The following GBP1 variants were observed in gnomAD, a reference collection of about 807,000 sequenced individuals.
The protein encoded by GBP1 is guanylate binding protein 1.
Under a neutral mutation model 69.5 loss-of-function variants are expected in GBP1, and 64 were observed. That is an observed-to-expected ratio of 0.92 (90% confidence interval 0.75 to 1.13). The LOEUF (loss-of-function observed/expected upper bound fraction) is 1.13, where lower values mean the gene tolerates loss of function less well. Ranked by LOEUF, GBP1 falls within the 50% of genes most tolerant of loss-of-function variation. The pLI is 0.00. For missense variants in GBP1, 630 were observed against 704.1 expected, an observed-to-expected ratio of 0.89 and a Z score of 1.19; for synonymous variants, 250 against 261.2, an observed-to-expected ratio of 0.96 and a Z score of 0.41.
At chr1:89,055,301 C>T in intron 8 of GBP1, 86 bp from the exon 9 acceptor site, 2 of 1,582,848 alleles carry the variant, frequency 1.3e-6, no homozygotes, top group South Asian at 1.2e-5. Context: ...CCTTTCTCCT[C>T]TGGGAATTCT....
At position 89,053,237 on chromosome 1, in the gene GBP1, T is replaced by C; in HGVS notation, c.*118A>G. The C allele has an allele frequency of 1.5e-6, 1 of 674,730 alleles. No individual in the cohort carries two copies. Among genetic ancestry groups the C allele is most frequent in the Non-Finnish European group, 2.5e-6 (1 of 404,926 alleles). The allele number at this position is 674,730 out of a possible 1,614,324, so 41.8% of individuals were successfully genotyped here. On this transcript the variant is annotated 3_prime_UTR_variant, in exon 11 of 11. Coordinates refer to ENST00000370473, the MANE Select transcript of GBP1 (RefSeq NM_002053.3). Reference sequence around the variant, plus strand: ...TTGATCATTGTACCACATGCCTTTATAAACTTTTGGTGTTATGATGCAAGA... The same window carrying C: ...TTGATCATTGTACCACATGCCTTTACAAACTTTTGGTGTTATGATGCAAGA...
Position 89,058,127 on chromosome 1 carries a change from G to T in GBP1, c.739C>A (p.Leu247Ile). 6.2e-7 allele frequency: 1 copy of T among 1,614,160 alleles called. No individual in the cohort carries two copies. The highest frequency in any genetic ancestry group is 8.5e-7 in the Non-Finnish European group (1 of 1,180,020). ...TCTTGTAGTTTCTCGAGCTGGGCAA[G>T]CTTCCTGCGGTGAACGGGCCGATCA... ...VFDRPVHRRK[L>I]AQLEKLQDEE... The change falls in exon 6 of 11, where the codon CTT (leucine) becomes ATT (isoleucine). Residue 247 changes from leucine to isoleucine, a missense_variant. By Grantham distance (5) the Leu-to-Ile change is conservative. Transcript: ENST00000370473.
At chr1:89,064,236 TGTGTGAGAGAGAGA>T (rs1463172743) in intron 1 of GBP1, among the ~76,000 whole-genome samples, 5 of 117,418 alleles carry the variant, frequency 4.3e-5, no homozygotes, top group African/African-American at 1.7e-4. Flanking sequence ...TGTGTGTGTG[TGTGTGAGAGAGAGA>T]GAGAGAGAGA....
At position 89,053,411 on chromosome 1, in the gene GBP1, C is replaced by T; in HGVS notation, c.1723G>A (p.Glu575Lys). The T allele has an allele frequency of 6.2e-7, 1 of 1,613,832 alleles. No individual in the cohort carries two copies. The highest frequency in any genetic ancestry group is 8.5e-7 in the Non-Finnish European group (1 of 1,179,988). The part of the protein sequence containing the change: ...FQKESRIMKN[E>K]IQDLQTKMRR... ...ATTTTCGTCTGGAGATCCTGTATCT[C>T]ATTTTTCATTATTCTGCTTTCTTTT... The change falls in exon 11 of 11, where the codon GAG becomes AAG. Residue 575 changes from glutamate (E) to lysine (K), a missense_variant. Glu to Lys is a moderately conservative substitution (Grantham distance 56, BLOSUM62 1). Around this residue, in one of 5 missense-constraint regions of GBP1, gnomAD observed 71 missense variants for 72.7 expected, o/e 0.98. Transcript: ENST00000370473.
Position 89,063,196 on chromosome 1 carries a change from G to A in GBP1, c.39C>T (p.Leu13=). 6.2e-7 allele frequency: 1 copy of A among 1,614,088 alleles called. No individual in the cohort carries two copies. The highest frequency in any genetic ancestry group is 8.5e-7 in the Non-Finnish European group (1 of 1,179,966). The change falls in exon 2 of 11, where the codon CTC becomes CTT. Residue 13 remains leucine (L), a synonymous_variant. Transcript: ENST00000370473. ...TCAGTCGCCCATTAGTGTTCTCAAT[G>A]AGGCACATTGGGCCTGTCATGTGGA... ...SEIHMTGPMC[L]IENTNGRLMA... is the part of the protein sequence containing the mutation.
At chr1:89,059,152 AGTGTC>A in intron 4 of GBP1, 109 bp from the exon 5 acceptor site, 2 of 1,587,808 alleles carry the variant, frequency 1.3e-6, no homozygotes, top group Non-Finnish European at 1.7e-6. Context: ...CCTAAGTGTC[AGTGTC>A]AGTTCTAAAG....
chr1:89,052,749 T>G lies in GBP1; in HGVS notation c.*606A>C, dbSNP rs953536318. The G allele has an allele frequency of 3.3e-5, 5 of 152,266 alleles. No individual in the cohort carries two copies. The highest frequency in any genetic ancestry group is 1.2e-4 in the African/African-American group (5 of 41,466). The allele number at this position is 152,266 out of a possible 1,614,324, so 9.4% of individuals were successfully genotyped here. A position where few individuals can be genotyped will look rare whatever the true frequency, so the allele number is the denominator to read the frequency against. ...GAACAATAAGAGAAGTTTTCTTCATTAGCCCAATTGTTTATCACTCAATTC... is the reference window on the plus strand; with the variant it reads ...GAACAATAAGAGAAGTTTTCTTCATGAGCCCAATTGTTTATCACTCAATTC... On this transcript the variant is annotated 3_prime_UTR_variant, in exon 11 of 11. Transcript: ENST00000370473.
intron 6 of GBP1, 70 bp downstream of exon 6, chr1:89,057,922 A>G: frequency 6.9e-7 from 1 of 1,454,586 alleles, no homozygotes; most frequent in South Asian, 1.4e-5. Flanking sequence ...CAATGCTGAA[A>G]CTAGGTGGAA....
chr1:89,062,297 T>C (rs555514253), intron 2 of GBP1, among the ~76,000 whole-genome samples: 43 of 152,268 alleles, frequency 2.8e-4, no homozygotes, highest in African/African-American at 9.4e-4. Context: ...ATAAACAAAT[T>C]AGTATACACG....
intron 10 of GBP1, among the ~76,000 whole-genome samples, chr1:89,054,111 A>AT (rs1047924797): frequency 8.3e-4 from 124 of 148,604 alleles, no homozygotes; most frequent in African/African-American, 2.4e-3. Flanking sequence ...AGAGATACAG[A>AT]TTTTTTTTTT....
intron 2 of GBP1, 151 bp downstream of exon 2, chr1:89,062,894 G>T: frequency 1.1e-6 from 1 of 888,898 alleles, no homozygotes; most frequent in Non-Finnish European, 1.7e-6. Context: ...TTATCCCCTA[G>T]AACAGCGTGA....
At chr1:89,055,817 T>G in intron 8 of GBP1, 199 bp downstream of exon 8, 1 of 647,180 alleles carries the variant, frequency 1.5e-6, no homozygotes. Context: ...TATAACTTAA[T>G]AGTTAATTGA....
In GBP1 at chr1:89,060,230, C is replaced by G. The variant is rs1204239636; in HGVS notation, c.285G>C (p.Leu95=). The G allele has an allele frequency of 3.1e-6, 5 of 1,601,672 alleles. No individual in the cohort carries two copies. Among genetic ancestry groups the G allele is most frequent in the East Asian group, 2.3e-5 (1 of 43,846 alleles). Residue 95 remains leucine (L), a synonymous_variant, in exon 3 of 11, where the codon CTG becomes CTC. Coordinates refer to ENST00000370473, the MANE Select transcript of GBP1 (RefSeq NM_002053.3). ...CATCTCCCAGACCCTCGGTGTCCAG[C>G]AGAACTAGGATGTGGCCTGGCTTCT... The part of the protein sequence containing the change: ...HPKKPGHILV[L]LDTEGLGDVE...
At chr1:89,053,568 C>G (rs2101218081) in intron 10 of GBP1, 100 bp from the exon 11 acceptor site, 1 of 1,502,660 alleles carries the variant, frequency 6.7e-7, no homozygotes, top group Admixed American at 2.3e-5. Flanking sequence ...TTAATTTTCT[C>G]TGAGTCACGC....
intron 10 of GBP1, 64 bp from the exon 11 acceptor site, chr1:89,053,532 G>C (rs1205124831): frequency 1.9e-6 from 3 of 1,559,016 alleles, no homozygotes; most frequent in Non-Finnish European, 2.6e-6. Flanking sequence ...CATTCTATCT[G>C]GTTTCCACAT....
intron 1 of GBP1, among the ~76,000 whole-genome samples, chr1:89,064,222 T>C (rs1278817230): frequency 5.0e-5 from 7 of 139,278 alleles, no homozygotes; most frequent in African/African-American, 2.0e-4. Flanking sequence ...TGTGTGTGTG[T>C]GTGTGTGTGT....
chr1:89,062,407 C>CA (rs1181522983), intron 2 of GBP1, among the ~76,000 whole-genome samples: 1 of 152,130 alleles, frequency 6.6e-6, no homozygotes, highest in Non-Finnish European at 1.5e-5. Context: ...CATAAAAGGA[C>CA]AAATATTGAA....
chr1:89,053,661 C>T (rs555105596), intron 10 of GBP1, among the ~76,000 whole-genome samples, 193 bp from the exon 11 acceptor site: 4 of 152,204 alleles, frequency 2.6e-5, no homozygotes, highest in African/African-American at 4.8e-5. Context: ...GACATAACAC[C>T]GAAATAAGCA....
intron 1 of GBP1, among the ~76,000 whole-genome samples, 167 bp from the exon 2 acceptor site, chr1:89,063,420 C>G (rs566974407): frequency 6.6e-6 from 1 of 152,302 alleles, no homozygotes; most frequent in Admixed American, 6.5e-5. Flanking sequence ...CAAAGTAGCT[C>G]ATTATGAAAA....
Sources: allele counts gnomAD v4.1 joint callset (sites outside exome capture counted in the v4.1 genomes callset), GRCh38; gene constraint gnomAD v4.1.1; regional missense constraint gnomAD v4.1.1; transcripts MANE v1.5; gene names NCBI Gene and HGNC (gene_info 2026-07-23, HGNC 2026-07-21).